The following EYA1 variants were observed in gnomAD, a reference collection of about 807,000 sequenced individuals.
EYA1 encodes the protein EYA transcriptional coactivator and phosphatase 1, also known as protein phosphatase EYA1.
EYA1 carries 16 observed loss-of-function variants against 82.0 expected under a neutral mutation model. The ratio of observed to expected loss-of-function variants is 0.20; its 90% CI spans 0.13 to 0.30. The LOEUF is 0.30. Among genes scored for constraint, EYA1 ranks in the 10% least tolerant of loss-of-function variants. The pLI is 1.00. For synonymous variants in EYA1, 261 were observed against 264.4 expected (o/e 0.99, Z 0.12); for missense variants, 633 against 730.7 (o/e 0.87, Z 1.54).
chr8:71,248,830 A>G (rs1278178637), intron 11 of EYA1, among the ~76,000 whole-genome samples: 1 of 152,244 alleles, frequency 6.6e-6, no homozygotes, highest in African/African-American at 2.4e-5. Flanking sequence ...CTAACATTGA[A>G]CAGTTAATAA....
intron 2 of EYA1, among the ~76,000 whole-genome samples, chr8:71,445,912 C>T (rs1054138904): frequency 2.6e-5 from 4 of 152,168 alleles, no homozygotes; most frequent in African/African-American, 4.8e-5. Flanking sequence ...TGTCTTACAT[C>T]GTAACCTCCT....
intron 2 of EYA1, among the ~76,000 whole-genome samples, chr8:71,446,051 A>C (rs1425451666): frequency 6.6e-6 from 1 of 152,202 alleles, no homozygotes; most frequent in Admixed American, 6.5e-5. Flanking sequence ...TATTTTTAAA[A>C]CATTTGGCTT....
intron 6 of EYA1, among the ~76,000 whole-genome samples, chr8:71,319,168 T>C (rs1308032735): frequency 6.6e-6 from 1 of 151,740 alleles, no homozygotes; most frequent in Non-Finnish European, 1.5e-5. Context: ...TCTCGCTCTG[T>C]CACCCAGGCT....
intron 2 of EYA1, among the ~76,000 whole-genome samples, chr8:71,454,882 A>G (rs931191970): frequency 6.6e-6 from 1 of 152,256 alleles, no homozygotes; most frequent in African/African-American, 2.4e-5. Flanking sequence ...GAGCAAACAC[A>G]TTCAAAAGCT....
At chr8:71,492,077 G>A (rs1811039973) in intron 2 of EYA1, among the ~76,000 whole-genome samples, 1 of 152,132 alleles carries the variant, frequency 6.6e-6, no homozygotes, top group African/African-American at 2.4e-5. Flanking sequence ...TGGGTCTCAG[G>A]TTAGGTGTCG....
intron 2 of EYA1, among the ~76,000 whole-genome samples, chr8:71,385,199 A>G (rs1828909863): frequency 6.6e-6 from 1 of 152,060 alleles, no homozygotes; most frequent in African/African-American, 2.4e-5. Context: ...ATTTCTAGAT[A>G]TAATGCTAGC....
chr8:71,339,385 C>T (rs911168445), intron 3 of EYA1, among the ~76,000 whole-genome samples: 1 of 152,130 alleles, frequency 6.6e-6, no homozygotes, highest in South Asian at 2.1e-4. Flanking sequence ...GAACAGGTGC[C>T]ATACATGCTG....
chr8:71,237,762 G>T (rs1036341862), intron 12 of EYA1, among the ~76,000 whole-genome samples: 3 of 152,038 alleles, frequency 2.0e-5, no homozygotes, highest in Non-Finnish European at 4.4e-5. Flanking sequence ...TATACATAGG[G>T]TATACATTTT....
intron 7 of EYA1, among the ~76,000 whole-genome samples, 170 bp downstream of exon 7, chr8:71,317,382 A>G (rs1822041317): frequency 6.6e-6 from 1 of 152,224 alleles, no homozygotes; most frequent in South Asian, 2.1e-4. Flanking sequence ...ATGGAAATTT[A>G]GGCCTAGAAA....
chr8:71,377,246 A>G (rs2129095983), intron 2 of EYA1, among the ~76,000 whole-genome samples: 1 of 152,302 alleles, frequency 6.6e-6, no homozygotes, highest in East Asian at 1.9e-4. Flanking sequence ...TATGTGGTGG[A>G]AGAGAAGTCG....
chr8:71,483,227 CT>C (rs1291407792), intron 2 of EYA1, among the ~76,000 whole-genome samples: 1 of 152,178 alleles, frequency 6.6e-6, no homozygotes, highest in African/African-American at 2.4e-5. Context: ...GCTGTTGCCT[CT>C]GCCTGGAATG....
intron 2 of EYA1, among the ~76,000 whole-genome samples, chr8:71,511,911 T>C (rs944658866): frequency 1.3e-5 from 2 of 152,194 alleles, no homozygotes; most frequent in Non-Finnish European, 2.9e-5. Context: ...TGGGTTCCAC[T>C]TGTCCCAGAC....
intron 3 of EYA1, among the ~76,000 whole-genome samples, chr8:71,344,746 T>C (rs1240823318): frequency 6.6e-6 from 1 of 152,198 alleles, no homozygotes; most frequent in African/African-American, 2.4e-5. Flanking sequence ...TATCAGTGTA[T>C]GTTGCAAATT....
chr8:71,475,219 G>A (rs1809560193), intron 2 of EYA1, among the ~76,000 whole-genome samples: 1 of 152,136 alleles, frequency 6.6e-6, no homozygotes, highest in African/African-American at 2.4e-5. Context: ...TAAAAATCAA[G>A]GTATATAATA....
intron 2 of EYA1, among the ~76,000 whole-genome samples, chr8:71,433,107 G>A (rs533064943): frequency 6.6e-6 from 1 of 152,046 alleles, no homozygotes; most frequent in Non-Finnish European, 1.5e-5. Flanking sequence ...CCACACTCAG[G>A]AACCCTACAC....
intron 12 of EYA1, among the ~76,000 whole-genome samples, chr8:71,236,036 A>T (rs1214450608): frequency 1.3e-5 from 2 of 150,928 alleles, no homozygotes; most frequent in Non-Finnish European, 2.9e-5. Context: ...TTGAATACAA[A>T]TTTTACTCTT....
intron 2 of EYA1, among the ~76,000 whole-genome samples, chr8:71,398,027 A>G (rs1345689180): frequency 6.6e-6 from 1 of 151,572 alleles, no homozygotes; most frequent in Non-Finnish European, 1.5e-5. Context: ...TTCTCACTTC[A>G]TTTCATTCAT....
chr8:71,398,159 T>G (rs928140124), intron 2 of EYA1, among the ~76,000 whole-genome samples: 2 of 152,188 alleles, frequency 1.3e-5, no homozygotes, highest in African/African-American at 4.8e-5. Flanking sequence ...TAAGGACTTC[T>G]CTACACTGTT....
chr8:71,459,262 A>C (rs1475897972), intron 2 of EYA1, among the ~76,000 whole-genome samples: 1 of 152,216 alleles, frequency 6.6e-6, no homozygotes, highest in Non-Finnish European at 1.5e-5. Flanking sequence ...GACGGTGGCC[A>C]AACTTTTATT....
Sources: allele counts gnomAD v4.1 joint callset (sites outside exome capture counted in the v4.1 genomes callset), GRCh38; gene constraint gnomAD v4.1.1; transcripts MANE v1.5; gene names NCBI Gene and HGNC (gene_info 2026-07-23, HGNC 2026-07-21).